The following GOLIM4 variants were observed in gnomAD, a reference collection of about 807,000 sequenced individuals.
GOLIM4 encodes 130 kDa golgi-localized phosphoprotein.
In GOLIM4, 71 loss-of-function variants were observed where a neutral mutation model predicts 107.4. That is an observed-to-expected ratio of 0.66 (90% CI 0.55 to 0.81). The LOEUF (loss-of-function observed/expected upper bound fraction) is 0.81. Among genes scored for constraint, GOLIM4 ranks in the 30% least tolerant of loss-of-function variants. GOLIM4 has a pLI of 0.00. For missense variants in GOLIM4, 830 were observed against 826.1 expected (o/e 1.00, Z -0.06); for synonymous variants, 327 against 294.8 (o/e 1.11, Z -1.12).
At chr3:168,050,519 T>C (rs143764614) in intron 1 of GOLIM4, among the ~76,000 whole-genome samples, 81 of 151,758 alleles carry the variant, frequency 5.3e-4, no homozygotes, top group African/African-American at 1.5e-3. Flanking sequence ...TAAATTACAA[T>C]ACTATCATGA....
In GOLIM4 at chr3:168,045,022, G is replaced by A. The variant is rs377677944; in HGVS notation, c.313-141C>T. 35 of 535,874 alleles carry A rather than the reference G, an allele frequency of 6.5e-5. No homozygotes were observed. The East Asian group carries it at 8.7e-4, about 13-fold the overall frequency. The allele number at this position is 535,874 out of a possible 1,614,324, so 33.2% of individuals were successfully genotyped here. A position where few individuals can be genotyped will look rare whatever the true frequency, so the allele number is the denominator to read the frequency against. On this transcript the variant is annotated intron_variant, in intron 3 of 15. Transcript: ENST00000470487. ...AATTCTACATTTGAACCAAGATGTCGCTGGAGCCATCGATTTAACACAGAA... is the reference window on the plus strand; with the variant it reads ...AATTCTACATTTGAACCAAGATGTCACTGGAGCCATCGATTTAACACAGAA...
At chr3:168,015,930 T>C (rs1717337208) in intron 14 of GOLIM4, among the ~76,000 whole-genome samples, 1 of 134,126 alleles carries the variant, frequency 7.5e-6, no homozygotes, top group African/African-American at 3.9e-5. Flanking sequence ...CCTAAAACCA[T>C]AAAAACCCTG....
In GOLIM4 at chr3:168,032,530, G is replaced by C; in HGVS notation, c.1166C>G (p.Ala389Gly). 1 of 1,613,560 alleles carries C rather than the reference G, an allele frequency of 6.2e-7. No homozygotes were observed. The highest frequency in any genetic ancestry group is 8.5e-7 in the Non-Finnish European group (1 of 1,179,598). The change falls in exon 9 of 16, where the codon GCG becomes GGG. Residue 389 changes from alanine (A) to glycine (G), a missense_variant. Physicochemically the swap from Ala to Gly is moderately conservative, Grantham distance 60. Coordinates refer to ENST00000470487, the MANE Select transcript of GOLIM4 (RefSeq NM_014498.5). ...REAANLLEGH[A>G]RAEVYPSAKP... Reference sequence around the variant, plus strand: ...CGGGTGACTTCATACCTCAGCACGCGCGTGCCCTTCCAGGAGGTTGGCTGC... The same window carrying C: ...CGGGTGACTTCATACCTCAGCACGCCCGTGCCCTTCCAGGAGGTTGGCTGC...
intron 1 of GOLIM4, among the ~76,000 whole-genome samples, chr3:168,053,866 G>A (rs1029860995): frequency 2.0e-5 from 3 of 152,020 alleles, no homozygotes; most frequent in Non-Finnish European, 4.4e-5. Context: ...ACAGAATACT[G>A]GAGATCTCCT....
intron 1 of GOLIM4, among the ~76,000 whole-genome samples, chr3:168,082,968 T>A (rs1477360078): frequency 6.6e-6 from 1 of 152,194 alleles, no homozygotes; most frequent in Non-Finnish European, 1.5e-5. Flanking sequence ...TATAGAAATA[T>A]GTTTTGGAAA....
At chr3:168,086,797 A>T (rs1721652942) in intron 1 of GOLIM4, among the ~76,000 whole-genome samples, 1 of 152,214 alleles carries the variant, frequency 6.6e-6, no homozygotes, top group Non-Finnish European at 1.5e-5. Flanking sequence ...ATGGGCCAAT[A>T]AAAACAAAGA....
chr3:168,067,137 A>G (rs999503460), intron 1 of GOLIM4, among the ~76,000 whole-genome samples: 1 of 152,222 alleles, frequency 6.6e-6, no homozygotes, highest in Non-Finnish European at 1.5e-5. Context: ...CACACTGGGT[A>G]AATTTTTTGT....
At chr3:168,076,478 G>A (rs1484616648) in intron 1 of GOLIM4, among the ~76,000 whole-genome samples, 1 of 152,210 alleles carries the variant, frequency 6.6e-6, no homozygotes, top group African/African-American at 2.4e-5. Context: ...AGGATCACGA[G>A]GTCAAGAGAT....
At chr3:168,013,335 G>T (rs1410134915) in intron 14 of GOLIM4, among the ~76,000 whole-genome samples, 1 of 152,014 alleles carries the variant, frequency 6.6e-6, no homozygotes, top group East Asian at 1.9e-4. Flanking sequence ...AACAAGAAGA[G>T]CTAACTATCC....
chr3:168,069,790 T>C (rs1369470705), intron 1 of GOLIM4, among the ~76,000 whole-genome samples: 2 of 152,222 alleles, frequency 1.3e-5, no homozygotes, highest in Non-Finnish European at 2.9e-5. Flanking sequence ...AAATATCTTG[T>C]AATATGCTAA....
intron 1 of GOLIM4, among the ~76,000 whole-genome samples, chr3:168,083,906 TA>T (rs1721492987): frequency 6.6e-6 from 1 of 152,196 alleles, no homozygotes; most frequent in African/African-American, 2.4e-5. Context: ...CTAATGAAGA[TA>T]ATATGGCAGA....
intron 14 of GOLIM4, among the ~76,000 whole-genome samples, chr3:168,013,352 T>C (rs938915253): frequency 2.0e-4 from 31 of 152,144 alleles, no homozygotes; most frequent in South Asian, 6.2e-4. Context: ...ATCCTAAATA[T>C]ATATGCACCC....
At chr3:168,049,258 G>A (rs1204906334) in intron 1 of GOLIM4, among the ~76,000 whole-genome samples, 1 of 152,140 alleles carries the variant, frequency 6.6e-6, no homozygotes, top group Non-Finnish European at 1.5e-5. Flanking sequence ...GGAGGGAGAA[G>A]CCTTACCTTT....
chr3:168,026,560 C>T (rs1471435325), intron 12 of GOLIM4, among the ~76,000 whole-genome samples: 1 of 152,154 alleles, frequency 6.6e-6, no homozygotes, highest in African/African-American at 2.4e-5. Context: ...AGTAAAGGAT[C>T]ATATAGTCAA....
chr3:168,010,180 T>C lies in GOLIM4; in HGVS notation c.*89A>G, dbSNP rs1716909838. On this transcript the variant is annotated 3_prime_UTR_variant, in exon 16 of 16. Transcript: ENST00000470487. Reference sequence around the variant, plus strand: ...AGTCTAAGTTCTTAATTTTTGTAATTAAATATCCTAGAGTTCAGTAGGCAG... The same window carrying C: ...AGTCTAAGTTCTTAATTTTTGTAATCAAATATCCTAGAGTTCAGTAGGCAG... 1 of 1,171,784 alleles carries C rather than the reference T, an allele frequency of 8.5e-7. No individual in the cohort carries two copies. The highest frequency in any genetic ancestry group is 1.2e-6 in the Non-Finnish European group (1 of 843,748). The allele number at this position is 1,171,784 out of a possible 1,614,324, so 72.6% of individuals were successfully genotyped here.
Position 168,027,785 on chromosome 3 carries a change from A to G in GOLIM4, c.1566T>C (p.Asn522=). ...GTCCTTGTTCACGAGGCTCATGTCT[A>G]TTACCTGGATCTCCTTCTGCTTCAT... ...HQDEAEGDPG[N]RHEPREQGPR... Residue 522 remains asparagine, a synonymous_variant, in exon 12 of 16, where the codon AAT becomes AAC. Transcript: ENST00000470487. 1 of 1,613,568 alleles carries G rather than the reference A, an allele frequency of 6.2e-7. No homozygotes were observed.
rs570720723 is a variant in GOLIM4 at position 168,011,183 on chromosome 3, C to T, written c.1861-360G>A. On this transcript the variant is annotated intron_variant, in intron 14 of 15. Transcript: ENST00000470487. Reference sequence around the variant, plus strand: ...GACAGTGGGTGCAGGTCAGTGGGTGCGCGCACCATGCGCGAGCCAAAGCAG... The same window carrying T: ...GACAGTGGGTGCAGGTCAGTGGGTGTGCGCACCATGCGCGAGCCAAAGCAG... Among the ~76,000 whole-genome samples, 9 of 149,190 alleles carry T rather than the reference C, an allele frequency of 6.0e-5. No homozygotes were observed. In the South Asian group the frequency reaches 6.2e-4, roughly 10 times the overall value.
At chr3:168,085,550 C>T (rs1274701673) in intron 1 of GOLIM4, among the ~76,000 whole-genome samples, 1 of 152,092 alleles carries the variant, frequency 6.6e-6, no homozygotes, top group African/African-American at 2.4e-5. Flanking sequence ...CCTATTTGGA[C>T]CAAAAGGGGT....
chr3:168,020,815 CAGTAATGCCTTTA>C (rs1717637300), intron 14 of GOLIM4, among the ~76,000 whole-genome samples: 2 of 152,296 alleles, frequency 1.3e-5, no homozygotes, highest in South Asian at 4.1e-4. Context: ...ATCTGAAAGG[CAGTAATGCCTTTA>C]AGTAATGCTT....
Sources: allele counts gnomAD v4.1 joint callset (sites outside exome capture counted in the v4.1 genomes callset), GRCh38; gene constraint gnomAD v4.1.1; transcripts MANE v1.5; gene names NCBI Gene and HGNC (gene_info 2026-07-23, HGNC 2026-07-21).